EPHB2: variants seen among roughly 807,000 people sequenced by gnomAD.
The protein encoded by EPHB2 is EPH receptor B2, also known as ephrin type-B receptor 2.
Under a neutral mutation model 96.4 loss-of-function variants are expected in EPHB2, and 18 were observed. The observed-to-expected ratio is 0.19, with a 90% CI of 0.13 to 0.28. The LOEUF is 0.28. EPHB2 is among the 10% of genes least tolerant of loss of function. The pLI is 1.00. For synonymous variants in EPHB2, 506 were observed against 534.1 expected, an observed-to-expected ratio of 0.95 and a Z score of 0.72; for missense variants, 989 against 1,355.4, an observed-to-expected ratio of 0.73 and a Z score of 4.25.
In EPHB2 at chr1:22,909,041, G is replaced by A. The variant is rs750785637; in HGVS notation, c.2372G>A (p.Arg791His). ...TCCCAGGGCGGAAAGATCCCCATCC[G>A]CTGGACAGCCCCGGAAGCCATCCAG... ...TSALGGKIPIRWTAPEAIQYR... is the reference protein window; with the variant it reads ...TSALGGKIPIHWTAPEAIQYR... The change falls in exon 13 of 16, where the codon CGC becomes CAC. Residue 791 changes from arginine (R) to histidine (H), a missense_variant. Transcript: ENST00000374630. 3 of 1,614,158 alleles carry A rather than the reference G, an allele frequency of 1.9e-6. No homozygotes were observed. Among genetic ancestry groups the A allele is most frequent in the Admixed American group, 1.7e-5 (1 of 60,016 alleles).
chr1:22,873,456 A>G (rs4655136), intron 5 of EPHB2, among the ~76,000 whole-genome samples: 136,796 of 152,224 alleles, frequency 0.9, 63,145 homozygotes, highest in East Asian at 1. Context: ...CTCTGCTTAT[A>G]TCATGTTGGC....
chr1:22,765,626 G>C (rs554129993), intron 1 of EPHB2, among the ~76,000 whole-genome samples: 59 of 149,680 alleles, frequency 3.9e-4, no homozygotes, highest in African/African-American at 1.5e-3. Flanking sequence ...CCCTTCCCCA[G>C]TTCTGTCTTT....
intron 3 of EPHB2, among the ~76,000 whole-genome samples, chr1:22,809,220 G>T (rs1311949281): frequency 6.6e-6 from 1 of 152,214 alleles, no homozygotes; most frequent in African/African-American, 2.4e-5. Flanking sequence ...TGCAGAAGCT[G>T]CAGGGTCTGT....
intron 1 of EPHB2, among the ~76,000 whole-genome samples, chr1:22,724,741 A>G (rs1262258408): frequency 2.6e-5 from 4 of 152,186 alleles, no homozygotes; most frequent in African/African-American, 9.7e-5. Flanking sequence ...CAGCTGCCGC[A>G]GGACATGGCC....
At chr1:22,852,563 G>T (rs932544211) in intron 3 of EPHB2, among the ~76,000 whole-genome samples, 3 of 152,198 alleles carry the variant, frequency 2.0e-5, no homozygotes, top group African/African-American at 7.2e-5. Flanking sequence ...GGGATATCAT[G>T]AAGGGAGGCC....
intron 6 of EPHB2, among the ~76,000 whole-genome samples, chr1:22,887,700 C>T (rs1407594900): frequency 6.6e-6 from 1 of 152,228 alleles, no homozygotes; most frequent in African/African-American, 2.4e-5. Context: ...TACCCCAAAG[C>T]ACACAGGTTC....
At chr1:22,758,243 T>C (rs1191511435) in intron 1 of EPHB2, among the ~76,000 whole-genome samples, 1 of 151,884 alleles carries the variant, frequency 6.6e-6, no homozygotes, top group Non-Finnish European at 1.5e-5. Flanking sequence ...GGTGTAGGGA[T>C]CCCAAAAGCT....
In EPHB2 at chr1:22,781,510, G is replaced by T. The variant is rs376149671; in HGVS notation, c.126+25G>T. On this transcript the variant is annotated intron_variant, in intron 2 of 15. Coordinates refer to ENST00000374630, the MANE Select transcript of EPHB2 (RefSeq NM_017449.5). ...GGTGAGTCAGTGGTCCCCAAACCTT[G>T]CATTGGTCCCCAGGATCCCTCAAGC... 10 of 1,612,784 alleles carry T rather than the reference G, an allele frequency of 6.2e-6. No individual in the cohort carries two copies. The African/African-American group carries it at 1.3e-4, about 22-fold the overall frequency.
intron 3 of EPHB2, among the ~76,000 whole-genome samples, chr1:22,800,788 A>G (rs1049405705): frequency 3.3e-5 from 5 of 151,606 alleles, no homozygotes; most frequent in African/African-American, 1.2e-4. Context: ...ACACACACAC[A>G]CACACACACT....
chr1:22,883,928 G>T (rs1639133314), intron 6 of EPHB2, among the ~76,000 whole-genome samples: 1 of 152,032 alleles, frequency 6.6e-6, no homozygotes, highest in Non-Finnish European at 1.5e-5. Context: ...TTTCCCTTGT[G>T]CCCTGGCCCC....
At chr1:22,723,833 A>C (rs557730933) in intron 1 of EPHB2, among the ~76,000 whole-genome samples, 1 of 152,344 alleles carries the variant, frequency 6.6e-6, no homozygotes, top group South Asian at 2.1e-4. Flanking sequence ...AGCCTCTCTC[A>C]TCCTCAGTAT....
rs537413826 is a variant in EPHB2 at position 22,898,229 on chromosome 1, A to G, written c.1765+1751A>G. The stretch of plus-strand genomic sequence containing the variant: ...TATTTGAAGATGAAAGTGCTATAGG[A>G]AAAAGACAAAGTGGAACAGTAACGG... On this transcript the variant is annotated intron_variant, in intron 9 of 15. Transcript: ENST00000374630. 9.9e-5 allele frequency among the ~76,000 whole-genome samples: 15 copies of G among 152,166 alleles called. 1 individual carries two copies. The highest frequency in any genetic ancestry group is 1.8e-4 in the Non-Finnish European group (12 of 68,016).
At chr1:22,853,209 C>T (rs1430557677) in intron 3 of EPHB2, among the ~76,000 whole-genome samples, 1 of 152,190 alleles carries the variant, frequency 6.6e-6, no homozygotes, top group Admixed American at 6.5e-5. Flanking sequence ...AAAAATTAGC[C>T]GGGTGTGGTG....
At chr1:22,855,545 A>G (rs558099998) in intron 3 of EPHB2, among the ~76,000 whole-genome samples, 36 of 152,370 alleles carry the variant, frequency 2.4e-4, no homozygotes, top group African/African-American at 7.9e-4. Flanking sequence ...AAATGCCTGT[A>G]GAATAAATTT....
At chr1:22,775,513 A>G (rs12045966) in intron 1 of EPHB2, among the ~76,000 whole-genome samples, 12,258 of 152,268 alleles carry the variant, frequency 0.081, 835 homozygotes, top group East Asian at 0.29. Flanking sequence ...GAGAATAGGG[A>G]GCAACCACCC....
At chr1:22,876,148 G>A (rs555822290) in intron 5 of EPHB2, among the ~76,000 whole-genome samples, 1 of 152,306 alleles carries the variant, frequency 6.6e-6, no homozygotes, top group South Asian at 2.1e-4. Flanking sequence ...GGATCTGCAA[G>A]TCTGGGGCTT....
At chr1:22,883,122 G>A (rs562819541) in intron 6 of EPHB2, among the ~76,000 whole-genome samples, 21 of 152,362 alleles carry the variant, frequency 1.4e-4, no homozygotes, top group Admixed American at 2.0e-4. Flanking sequence ...TTGGGCAGGC[G>A]TCTTTCTCCC....
intron 1 of EPHB2, among the ~76,000 whole-genome samples, chr1:22,713,505 G>A (rs1643212678): frequency 6.6e-6 from 1 of 152,182 alleles, no homozygotes; most frequent in Non-Finnish European, 1.5e-5. Flanking sequence ...TGTTTGTGAG[G>A]ATCAGACCAG....
chr1:22,736,673 G>A (rs975777808), intron 1 of EPHB2, among the ~76,000 whole-genome samples: 7 of 152,214 alleles, frequency 4.6e-5, no homozygotes, highest in Non-Finnish European at 8.8e-5. Context: ...TGTTTGCGCC[G>A]CTGACACTCT....
Sources: gnomAD v4.1 joint callset for allele counts (sites outside exome capture counted in the v4.1 genomes callset) on GRCh38, gnomAD v4.1.1 for gene constraint, MANE v1.5 for transcripts, NCBI Gene and HGNC (gene_info 2026-07-23, HGNC 2026-07-21) for gene names.